CMTM8: variants seen among roughly 807,000 people sequenced by gnomAD.
CMTM8 encodes CKLF-like MARVEL transmembrane domain-containing protein 8.
A neutral mutation model predicts 18.6 loss-of-function variants in CMTM8; 12 were observed. The ratio of observed to expected loss-of-function variants is 0.65; its 90% CI spans 0.41 to 1.05. The LOEUF is 1.05. Among genes scored for constraint, CMTM8 ranks in the 50% least tolerant of loss-of-function variants. The pLI is 0.00. For missense variants in CMTM8, 217 were observed against 227.2 expected (o/e 0.95, Z 0.29); for synonymous variants, 87 against 90.6 (o/e 0.96, Z 0.23).
intron 1 of CMTM8, among the ~76,000 whole-genome samples, chr3:32,289,941 G>A (rs6771543): frequency 0.3 from 46,298 of 151,810 alleles, 7,307 homozygotes; most frequent in Admixed American, 0.36. Flanking sequence ...GGTCAGCCTG[G>A]GCAACATGGT....
At chr3:32,288,875 T>C (rs574095709) in intron 1 of CMTM8, among the ~76,000 whole-genome samples, 2 of 152,300 alleles carry the variant, frequency 1.3e-5, no homozygotes, top group East Asian at 1.9e-4. Context: ...TATGAATTAG[T>C]TGAGGTACAT....
At chr3:32,282,855 T>C (rs116781268) in intron 1 of CMTM8, among the ~76,000 whole-genome samples, 3,649 of 152,258 alleles carry the variant, frequency 0.024, 155 homozygotes, top group African/African-American at 0.081. Context: ...GCTCTAGGTG[T>C]TTGTATTTTC....
chr3:32,315,443 CT>C (rs1375144818), intron 1 of CMTM8, among the ~76,000 whole-genome samples: 1 of 152,130 alleles, frequency 6.6e-6, no homozygotes, highest in African/African-American at 2.4e-5. Context: ...TTTTCAAAGA[CT>C]TTGCAGTTCA....
intron 1 of CMTM8, among the ~76,000 whole-genome samples, chr3:32,290,320 C>A (rs1040780913): frequency 6.6e-6 from 1 of 152,086 alleles, no homozygotes; most frequent in African/African-American, 2.4e-5. Context: ...ATGGAGCAAA[C>A]CTAGAAACTT....
chr3:32,315,211 C>A (rs1003533172), intron 1 of CMTM8, among the ~76,000 whole-genome samples: 24 of 151,734 alleles, frequency 1.6e-4, no homozygotes, highest in African/African-American at 5.6e-4. Flanking sequence ...CTCACCGCAA[C>A]CTCTGCCTCC....
intron 1 of CMTM8, among the ~76,000 whole-genome samples, chr3:32,326,391 A>G (rs1011144226): frequency 2.0e-5 from 3 of 151,968 alleles, no homozygotes; most frequent in African/African-American, 7.3e-5. Flanking sequence ...TCACATTACC[A>G]TCCAAAGTGT....
rs140551665 is a variant in CMTM8, at chr3:32,346,740, T to C, written c.148-10633T>C. Among the ~76,000 whole-genome samples, 42 of 152,236 alleles carry C rather than the reference T, an allele frequency of 2.8e-4. No homozygotes were observed. In the East Asian group the frequency reaches 7.1e-3, roughly 26 times the overall value. On this transcript the variant is annotated intron_variant, in intron 1 of 3. Coordinates refer to ENST00000307526, the MANE Select transcript of CMTM8 (RefSeq NM_178868.5). ...CACTGGGATTTAGGGGTTCAACATA[T>C]GGATTTGGGAAGCACACGTTTGGTC... is the stretch of plus-strand genomic sequence containing the variant.
intron 1 of CMTM8, among the ~76,000 whole-genome samples, chr3:32,318,788 C>T (rs936956797): frequency 1.4e-4 from 21 of 150,694 alleles, no homozygotes; most frequent in Non-Finnish European, 2.5e-4. Context: ...AGGATGGTCT[C>T]GATCTCCTGA....
intron 1 of CMTM8, among the ~76,000 whole-genome samples, chr3:32,249,807 G>A (rs1702089909): frequency 6.6e-6 from 1 of 152,156 alleles, no homozygotes; most frequent in African/African-American, 2.4e-5. Context: ...TGATTTGAAA[G>A]TATTTTTCTC....
chr3:32,297,914 T>A (rs948102132), intron 1 of CMTM8, among the ~76,000 whole-genome samples: 2 of 151,842 alleles, frequency 1.3e-5, no homozygotes, highest in African/African-American at 4.8e-5. Context: ...TGGATAAGAA[T>A]AACATTTTAA....
chr3:32,267,687 T>A (rs902204205), intron 1 of CMTM8, among the ~76,000 whole-genome samples: 2 of 152,074 alleles, frequency 1.3e-5, no homozygotes, highest in African/African-American at 4.8e-5. Flanking sequence ...GGAGAAAATT[T>A]TTTCAATCTG....
intron 1 of CMTM8, among the ~76,000 whole-genome samples, chr3:32,316,299 T>C (rs1445469184): frequency 6.6e-6 from 1 of 152,178 alleles, no homozygotes; most frequent in African/African-American, 2.4e-5. Context: ...AGTGCTGGGA[T>C]TACAGGCGTG....
intron 1 of CMTM8, among the ~76,000 whole-genome samples, chr3:32,317,995 C>T (rs1242735332): frequency 7.0e-6 from 1 of 143,408 alleles, no homozygotes; most frequent in African/African-American, 2.6e-5. Context: ...ACAGAGGTTG[C>T]AGTGAGCCCA....
intron 1 of CMTM8, among the ~76,000 whole-genome samples, chr3:32,285,239 GTGCAGTGGC>G (rs1223043360): frequency 6.6e-6 from 1 of 152,142 alleles, no homozygotes; most frequent in African/African-American, 2.4e-5. Context: ...CAGTGGCTGG[GTGCAGTGGC>G]TCACGCCCGT....
chr3:32,302,409 C>T lies in CMTM8; in HGVS notation c.148-54964C>T, dbSNP rs74955324. 9.3e-3 allele frequency among the ~76,000 whole-genome samples: 1,421 copies of T among 152,278 alleles called. 18 individuals carry two copies. The highest frequency in any genetic ancestry group is 0.032 in the African/African-American group (1,311 of 41,542). On this transcript the variant is annotated intron_variant, in intron 1 of 3. Transcript: ENST00000307526. ...AAATGCAATTTTCTGCCTCTGTATG[C>T]TGTTCAGTTTATGGTTGTTCCCGAC...
intron 1 of CMTM8, among the ~76,000 whole-genome samples, chr3:32,347,297 G>GTTTTTTTTTTTTTTTTTTTTTTTTT (rs56826485): frequency 7.3e-6 from 1 of 136,534 alleles, no homozygotes. Flanking sequence ...TTTTGCTTAG[G>GTTTTTTTTTTTTTTTTTTTTTTTTT]TTTTTTTTTT....
chr3:32,261,033 G>A (rs1021135616), intron 1 of CMTM8, among the ~76,000 whole-genome samples: 2 of 152,040 alleles, frequency 1.3e-5, no homozygotes, highest in Non-Finnish European at 2.9e-5. Flanking sequence ...ACCACACTGA[G>A]CAACGTAGCG....
At chr3:32,359,988 C>A (rs1481068578) in intron 2 of CMTM8, among the ~76,000 whole-genome samples, 1 of 152,194 alleles carries the variant, frequency 6.6e-6, no homozygotes, top group Non-Finnish European at 1.5e-5. Context: ...TCTGCCTGAG[C>A]GGTAGGTAGG....
At chr3:32,365,788 C>T (rs766841085) in intron 2 of CMTM8, among the ~76,000 whole-genome samples, 2 of 152,134 alleles carry the variant, frequency 1.3e-5, no homozygotes, top group Admixed American at 6.6e-5. Context: ...CTCTCTTTCA[C>T]TGTGGCCCAG....
Sources: allele counts gnomAD v4.1 joint callset (sites outside exome capture counted in the v4.1 genomes callset), GRCh38; gene constraint gnomAD v4.1.1; transcripts MANE v1.5; gene names NCBI Gene and HGNC (gene_info 2026-07-23, HGNC 2026-07-21).